AUNIP: variants seen among roughly 807,000 people sequenced by gnomAD.
AUNIP encodes the protein aurora kinase A- and ninein-interacting protein.
In AUNIP, 16 loss-of-function variants were observed where a neutral mutation model predicts 12.2. The observed-to-expected ratio is 1.31, with a 90% confidence interval of 0.88 to 1.99. The LOEUF (loss-of-function observed/expected upper bound fraction) is 1.99, where lower values mean the gene tolerates loss of function less well. AUNIP is among the 30% of genes most tolerant of loss of function. The probability of loss-of-function intolerance (pLI) is 0.00; values close to 1 mark genes in which losing one functional copy is unlikely to be tolerated. For synonymous variants in AUNIP, 142 were observed against 154.8 expected (o/e 0.92, Z 0.61); for missense variants, 411 against 419.1 (o/e 0.98, Z 0.17).
rs1275699705 is a variant in AUNIP, at chr1:25,858,170, AAATAAT to A, written c.78+1104_78+1109del. ...CGACAGAGCAAGACTCCATCTCAAA[AAATAAT>A]AATAATAAATAATAATAATAAAATG... is the stretch of plus-strand genomic sequence containing the variant. On this transcript the variant is annotated intron_variant, in intron 1 of 2. Coordinates refer to ENST00000374298, the MANE Select transcript of AUNIP (RefSeq NM_024037.3). 3.3e-5 allele frequency among the ~76,000 whole-genome samples: 5 copies of A among 152,128 alleles called. No individual in the cohort carries two copies. In the East Asian group the frequency reaches 9.6e-4, roughly 29 times the overall value.
downstream of AUNIP, chr1:25,832,010 G>C: frequency 6.2e-7 from 1 of 1,614,196 alleles, no homozygotes; most frequent in Non-Finnish European, 8.5e-7. Flanking sequence ...GAAGATATCA[G>C]TAGAAAAGGA....
In AUNIP at chr1:25,837,535, C is replaced by T. The variant is rs1034204017; in HGVS notation, c.98G>A (p.Gly33Asp). ...AGGAAGGAGTGTTAGCATTTTGGTGCCTGGTTTGATTAAATGTGTCTGAGA... is the reference window on the plus strand; with the variant it reads ...AGGAAGGAGTGTTAGCATTTTGGTGTCTGGTTTGATTAAATGTGTCTGAGA... ...RKVQTHLIKP[G>D]TKMLTLLPGE... Residue 33 changes from glycine (G) to aspartate (D), a missense_variant, in exon 2 of 3, where the codon GGC becomes GAC. Coordinates refer to ENST00000374298, the MANE Select transcript of AUNIP (RefSeq NM_024037.3). The T allele has an allele frequency of 6.2e-7, 1 of 1,612,508 alleles. No individual in the cohort carries two copies. Among genetic ancestry groups the T allele is most frequent in the Non-Finnish European group, 8.5e-7 (1 of 1,179,290 alleles).
intron 1 of AUNIP, among the ~76,000 whole-genome samples, chr1:25,840,957 T>C (rs1260444997): frequency 6.6e-6 from 1 of 152,236 alleles, no homozygotes. Flanking sequence ...GACTAATAAA[T>C]AGTTATTTAA....
At chr1:25,857,573 A>T (rs1386479182) in intron 1 of AUNIP, among the ~76,000 whole-genome samples, 1 of 151,348 alleles carries the variant, frequency 6.6e-6, no homozygotes, top group Non-Finnish European at 1.5e-5. Flanking sequence ...TGAAAAAATA[A>T]AACAATCGGC....
chr1:25,835,151 A>C lies in AUNIP; in HGVS notation c.916T>G (p.Phe306Val), dbSNP rs762021486. 18 of 1,614,204 alleles carry C rather than the reference A, an allele frequency of 1.1e-5. No homozygotes were observed. In the East Asian group the frequency reaches 3.6e-4, roughly 32 times the overall value. The change falls in exon 3 of 3, where the codon TTT becomes GTT. Residue 306 changes from phenylalanine to valine, a missense_variant. Transcript: ENST00000374298. ...RVIAHNTRAP[F>V]QDVTNNWNWD... Reference sequence around the variant, plus strand: ...TTCCAGTTATTGGTTACATCTTGAAAAGGAGCTCTAGTGTTGTGGGCAATG... The same window carrying C: ...TTCCAGTTATTGGTTACATCTTGAACAGGAGCTCTAGTGTTGTGGGCAATG...
chr1:25,856,376 AC>A (rs1269478416), intron 1 of AUNIP, among the ~76,000 whole-genome samples: 1 of 151,120 alleles, frequency 6.6e-6, no homozygotes, highest in East Asian at 1.9e-4. Context: ...AAAAAAAAAA[AC>A]AAAACAAACA....
intron 1 of AUNIP, among the ~76,000 whole-genome samples, chr1:25,840,195 A>T (rs372256737): frequency 2.0e-5 from 3 of 152,336 alleles, no homozygotes; most frequent in African/African-American, 7.2e-5. Flanking sequence ...TTGAAGGAAA[A>T]TATGAACATA....
chr1:25,840,867 T>C (rs1163484108), intron 1 of AUNIP, among the ~76,000 whole-genome samples: 1 of 152,172 alleles, frequency 6.6e-6, no homozygotes, highest in African/African-American at 2.4e-5. Flanking sequence ...TGAGTACCTA[T>C]ATGCTAGGAC....
chr1:25,844,603 T>C (rs1425413420), intron 1 of AUNIP, among the ~76,000 whole-genome samples: 1 of 152,062 alleles, frequency 6.6e-6, no homozygotes, highest in African/African-American at 2.4e-5. Context: ...ATAATTCCTT[T>C]TTTTTTTTCA....
At chr1:25,843,594 GAAAAAAA>G (rs769525747) in intron 1 of AUNIP, among the ~76,000 whole-genome samples, 97 of 31,898 alleles carry the variant, frequency 3.0e-3, no homozygotes, top group Middle Eastern at 0.042. Context: ...CTGTCTGTTT[GAAAAAAA>G]AAAAAAAAAA....
intron 1 of AUNIP, among the ~76,000 whole-genome samples, chr1:25,843,625 G>GAAA (rs2048361816): frequency 3.2e-5 from 4 of 124,410 alleles, no homozygotes; most frequent in African/African-American, 7.0e-5. Context: ...AAAAAAAAAG[G>GAAA]GATTCATGAT....
At position 25,847,879 on chromosome 1, in the gene AUNIP, A is replaced by C. The variant is rs1259234134; in HGVS notation, c.79-10325T>G. Among the ~76,000 whole-genome samples, 1 of 152,194 alleles carries C rather than the reference A, an allele frequency of 6.6e-6. No individual in the cohort carries two copies. Among genetic ancestry groups the C allele is most frequent in the Non-Finnish European group, 1.5e-5 (1 of 68,028 alleles). ...AGAATCGATTGAGCCCGGGAGGCAG[A>C]GGTTGCAGTGAGCCAAGATCACGCC... On this transcript the variant is annotated intron_variant, in intron 1 of 2. Coordinates refer to ENST00000374298, the MANE Select transcript of AUNIP (RefSeq NM_024037.3). The surrounding 1 kb of genome is among the most constrained non-coding windows in gnomAD (Gnocchi z 4.2).
Position 25,834,075 on chromosome 1 carries a change from G to A in AUNIP, c.*918C>T, listed in dbSNP as rs1334676735. ...TTCCCTCCTATCTTGTGGGAAAAGG[G>A]TAACAGAGTCACATCCAGATTGTTG... On this transcript the variant is annotated 3_prime_UTR_variant, in exon 3 of 3. Coordinates refer to ENST00000374298, the MANE Select transcript of AUNIP (RefSeq NM_024037.3). 8 of 985,188 alleles carry A rather than the reference G, an allele frequency of 8.1e-6. No homozygotes were observed. The East Asian group carries it at 3.4e-4, about 42-fold the overall frequency. The allele number at this position is 985,188 out of a possible 1,614,324, so 61.0% of individuals were successfully genotyped here.
intron 1 of AUNIP, among the ~76,000 whole-genome samples, chr1:25,839,366 A>T (rs1196651218): frequency 6.6e-6 from 1 of 152,208 alleles, no homozygotes; most frequent in Non-Finnish European, 1.5e-5. Flanking sequence ...TAACCTACAC[A>T]TGTATTAGGT....
intron 1 of AUNIP, among the ~76,000 whole-genome samples, chr1:25,848,539 T>C (rs893501934): frequency 1.3e-5 from 2 of 150,960 alleles, no homozygotes; most frequent in African/African-American, 4.9e-5. Context: ...TGGCAGCTCC[T>C]GAGAGATAAT....
chr1:25,853,389 G>T (rs2048437291), intron 1 of AUNIP, among the ~76,000 whole-genome samples: 1 of 152,070 alleles, frequency 6.6e-6, no homozygotes, highest in Non-Finnish European at 1.5e-5. Flanking sequence ...CTGAGGTCAG[G>T]AGTTTGAGAA....
rs1429395342 is a variant in AUNIP, at chr1:25,835,007, T to A, written c.1060A>T (p.Arg354Ter). 1 of 1,608,948 alleles carries A rather than the reference T, an allele frequency of 6.2e-7. No homozygotes were observed. Among genetic ancestry groups the A allele is most frequent in the Non-Finnish European group, 8.5e-7 (1 of 1,177,740 alleles). The change falls in exon 3 of 3, where the codon AGA becomes TGA. Residue 354 changes from arginine to a stop codon, truncating the protein, a stop_gained. Transcript: ENST00000374298. LOFTEE classifies it high-confidence loss of function. ...GCTTCAAACATTTAGAATTGGTGTC[T>A]GATAACTTGATTACCTTCAGAGTCC... ...TQDSEGNQVI[R>*]HQF
rs371655009 is a variant in AUNIP at position 25,856,876 on chromosome 1, G to A, written c.78+2404C>T. 1.4e-4 allele frequency among the ~76,000 whole-genome samples: 22 copies of A among 152,026 alleles called. No homozygotes were observed. In the East Asian group the frequency reaches 1.9e-3, roughly 13 times the overall value. On this transcript the variant is annotated intron_variant, in intron 1 of 2. Coordinates refer to ENST00000374298, the MANE Select transcript of AUNIP (RefSeq NM_024037.3). ...TAATCCCAGCACTTTGAGAAGCCAC[G>A]GTGGGCAGATCACTTGAGCTCAGGA...
chr1:25,834,278 CCAAGCT>C lies in AUNIP; in HGVS notation c.*709_*714del. On this transcript the variant is annotated 3_prime_UTR_variant, in exon 3 of 3. Coordinates refer to ENST00000374298, the MANE Select transcript of AUNIP (RefSeq NM_024037.3). ...AAAAAAAGGGTCAAGAGTAATCATC[CCAAGCT>C]TAGGCTGATGTGGGTTAAGATCAGC... 6 of 985,278 alleles carry C rather than the reference CCAAGCT, an allele frequency of 6.1e-6. No individual in the cohort carries two copies. Among genetic ancestry groups the C allele is most frequent in the Non-Finnish European group, 7.2e-6 (6 of 829,930 alleles). 61.0% of individuals were successfully genotyped at this position (985,278 alleles called of 1,614,324 possible). A position where few individuals can be genotyped will look rare whatever the true frequency, so the allele number is the denominator to read the frequency against.
Sources: allele counts gnomAD v4.1 joint callset (sites outside exome capture counted in the v4.1 genomes callset), GRCh38; gene constraint gnomAD v4.1.1; non-coding constraint Gnocchi (gnomAD v3.1); transcripts MANE v1.5; gene names NCBI Gene and HGNC (gene_info 2026-07-23, HGNC 2026-07-21).